The following BIN1 variants were observed in gnomAD, a reference collection of about 807,000 sequenced individuals.
BIN1 encodes the protein myc box-dependent-interacting protein 1.
Under a neutral mutation model 82.0 loss-of-function variants are expected in BIN1, and 53 were observed. That is an observed-to-expected ratio of 0.65 (90% CI 0.52 to 0.81). The LOEUF (loss-of-function observed/expected upper bound fraction) is 0.81, where lower values mean the gene tolerates loss of function less well. Among genes scored for constraint, BIN1 ranks in the 40% least tolerant of loss-of-function variants. BIN1 has a pLI of 0.00. For synonymous variants in BIN1, 302 were observed against 328.0 expected, an observed-to-expected ratio of 0.92 and a Z score of 0.86; for missense variants, 642 against 784.4, an observed-to-expected ratio of 0.82 and a Z score of 2.17.
rs988327559 is a variant in BIN1 at position 127,093,522 on chromosome 2, C to T, written c.84+13338G>A. On this transcript the variant is annotated intron_variant, in intron 1 of 18. Coordinates refer to ENST00000316724, the MANE Select transcript of BIN1 (RefSeq NM_139343.3). The surrounding 1 kb of genome is among the most constrained non-coding windows in gnomAD (Gnocchi z 5.7). ...CAACACAGAGAGGCCGGAAAGAAGC[C>T]GAGCCGACAAGCCTTGCTGGGTTCC... Among the ~76,000 whole-genome samples, 4 of 152,232 alleles carry T rather than the reference C, an allele frequency of 2.6e-5. No individual in the cohort carries two copies. Among genetic ancestry groups the T allele is most frequent in the South Asian group, 2.1e-4 (1 of 4,814 alleles).
At chr2:127,070,957 C>T in intron 2 of BIN1, 141 bp from the exon 3 acceptor site, 3 of 816,682 alleles carry the variant, frequency 3.7e-6, no homozygotes, top group Non-Finnish European at 5.9e-6. Flanking sequence ...CCCAACAGGA[C>T]AGCAGCTACG....
chr2:127,086,511 CTT>C (rs34507663), intron 1 of BIN1, among the ~76,000 whole-genome samples: 9 of 142,280 alleles, frequency 6.3e-5, no homozygotes, highest in Admixed American at 7.0e-5. Flanking sequence ...ATCTTTTTTT[CTT>C]TTTTTTTTTT....
intron 2 of BIN1, among the ~76,000 whole-genome samples, chr2:127,071,477 G>A (rs1685890003): frequency 6.6e-6 from 1 of 152,212 alleles, no homozygotes; most frequent in South Asian, 2.1e-4. Context: ...TGGGCTGGGT[G>A]GTGAAGCTCC....
intron 1 of BIN1, among the ~76,000 whole-genome samples, chr2:127,085,303 A>G (rs1156678939): frequency 6.6e-6 from 1 of 152,192 alleles, no homozygotes; most frequent in African/African-American, 2.4e-5. Context: ...CTTAGCGGCT[A>G]GCCACCCTTC....
At chr2:127,048,904 A>C (rs1682517387) in intron 18 of BIN1, among the ~76,000 whole-genome samples, 1 of 152,236 alleles carries the variant, frequency 6.6e-6, no homozygotes, top group African/African-American at 2.4e-5. Flanking sequence ...CACTGCATGC[A>C]TGATGTGCAC....
intron 1 of BIN1, among the ~76,000 whole-genome samples, chr2:127,086,507 T>A (rs1181922298): frequency 6.6e-6 from 1 of 151,542 alleles, no homozygotes; most frequent in African/African-American, 2.4e-5. Flanking sequence ...ATCCATCTTT[T>A]TTTCTTTTTT....
At chr2:127,050,948 G>C in intron 16 of BIN1, 36 bp from the exon 17 acceptor site, 1 of 1,601,766 alleles carries the variant, frequency 6.2e-7, no homozygotes, top group Non-Finnish European at 8.6e-7. Context: ...GAGCAGGGAG[G>C]TGGTCCAGGG....
intron 1 of BIN1, among the ~76,000 whole-genome samples, chr2:127,077,079 C>T (rs13433081): frequency 2.6e-5 from 4 of 152,014 alleles, no homozygotes; most frequent in Non-Finnish European, 5.9e-5. Flanking sequence ...AAGTGAGCCA[C>T]GCAGGGGAGG....
intron 1 of BIN1, among the ~76,000 whole-genome samples, chr2:127,092,465 C>G (rs11695424): frequency 0.48 from 73,076 of 152,076 alleles, 18,113 homozygotes; most frequent in African/African-American, 0.6. Flanking sequence ...ACAGGGCCCA[C>G]AGAGGCTGAC....
intron 16 of BIN1, 49 bp from the exon 17 acceptor site, chr2:127,050,961 A>G: frequency 6.3e-7 from 1 of 1,575,730 alleles, no homozygotes; most frequent in South Asian, 1.1e-5. Context: ...GTCCAGGGAC[A>G]GCCAGGGCCA....
intron 1 of BIN1, among the ~76,000 whole-genome samples, chr2:127,092,314 G>T (rs1427810480): frequency 1.3e-5 from 2 of 152,170 alleles, no homozygotes; most frequent in African/African-American, 4.8e-5. Flanking sequence ...CTCCCCACCC[G>T]ATTAAGGATG....
chr2:127,097,966 C>T (rs1679813197), intron 1 of BIN1, among the ~76,000 whole-genome samples: 1 of 152,232 alleles, frequency 6.6e-6, no homozygotes, highest in African/African-American at 2.4e-5. Flanking sequence ...TCCCTGACTG[C>T]TGGGGCCTGA....
intron 15 of BIN1, among the ~76,000 whole-genome samples, chr2:127,051,458 C>T (rs1283005235): frequency 6.6e-6 from 1 of 152,144 alleles, no homozygotes; most frequent in East Asian, 1.9e-4. Flanking sequence ...AGAGTAGGCG[C>T]TGGCAGGCCC....
chr2:127,050,650 A>C (rs2071270), intron 17 of BIN1, 128 bp from the exon 18 acceptor site: 4 of 1,313,464 alleles, frequency 3.0e-6, no homozygotes, highest in Non-Finnish European at 4.4e-6. Flanking sequence ...GCAGCAGGAC[A>C]GTATGGGGCT....
At chr2:127,078,359 T>TAG (rs574053338) in intron 1 of BIN1, among the ~76,000 whole-genome samples, 15 of 152,060 alleles carry the variant, frequency 9.9e-5, no homozygotes, top group South Asian at 2.1e-4. Context: ...ACCCTGGGGG[T>TAG]AGAGATCTCT....
At chr2:127,074,724 C>T (rs1686367053) in intron 2 of BIN1, among the ~76,000 whole-genome samples, 1 of 149,914 alleles carries the variant, frequency 6.7e-6, no homozygotes. Context: ...TGTTTTGAGA[C>T]CGGAGTCTTG....
chr2:127,080,332 G>A (rs1362979497), intron 1 of BIN1, among the ~76,000 whole-genome samples: 1 of 151,876 alleles, frequency 6.6e-6, no homozygotes, highest in Non-Finnish European at 1.5e-5. Flanking sequence ...GAGGGACACA[G>A]GGGACTCCAG....
intron 18 of BIN1, among the ~76,000 whole-genome samples, chr2:127,049,418 C>T (rs1682592376): frequency 6.6e-6 from 1 of 152,140 alleles, no homozygotes; most frequent in Non-Finnish European, 1.5e-5. Flanking sequence ...GTCCTCATCA[C>T]TCAGGCCTCC....
intron 4 of BIN1, among the ~76,000 whole-genome samples, 169 bp downstream of exon 4, chr2:127,070,384 C>A (rs1159190443): frequency 6.6e-6 from 1 of 152,172 alleles, no homozygotes; most frequent in Non-Finnish European, 1.5e-5. Flanking sequence ...GGTGTGAGGG[C>A]GTGTCAGGAG....
Sources: allele counts gnomAD v4.1 joint callset (sites outside exome capture counted in the v4.1 genomes callset), GRCh38; gene constraint gnomAD v4.1.1; non-coding constraint Gnocchi (gnomAD v3.1); transcripts MANE v1.5; gene names NCBI Gene and HGNC (gene_info 2026-07-23, HGNC 2026-07-21).